ARFIP1: variants seen among roughly 807,000 people sequenced by gnomAD.
ARFIP1 encodes ARF interacting protein 1, also known as arfaptin-1.
In ARFIP1, 24 loss-of-function variants were observed where a neutral mutation model predicts 42.5. That is an observed-to-expected ratio of 0.57 (90% CI 0.41 to 0.80). The LOEUF (loss-of-function observed/expected upper bound fraction) is 0.80, where lower values mean the gene tolerates loss of function less well. Among genes scored for constraint, ARFIP1 ranks in the 30% least tolerant of loss-of-function variants. The probability of loss-of-function intolerance (pLI) is 0.00; values close to 1 mark genes in which losing one functional copy is unlikely to be tolerated. For missense variants in ARFIP1, 354 were observed against 434.0 expected (o/e 0.82, Z 1.64); for synonymous variants, 141 against 153.7 (o/e 0.92, Z 0.61).
At chr4:152,866,634 G>A (rs1244672178) in intron 3 of ARFIP1, among the ~76,000 whole-genome samples, 1 of 151,750 alleles carries the variant, frequency 6.6e-6, no homozygotes, top group African/African-American at 2.4e-5. Flanking sequence ...GTCCTGGTGG[G>A]GGCTGACCCC....
chr4:152,829,146 G>A (rs933573394), intron 1 of ARFIP1, among the ~76,000 whole-genome samples: 2 of 152,162 alleles, frequency 1.3e-5, no homozygotes, highest in Non-Finnish European at 2.9e-5. Context: ...GAAGTCTGGT[G>A]ATAGACACGG....
At chr4:152,795,788 A>C (rs1234672211) in intron 1 of ARFIP1, among the ~76,000 whole-genome samples, 1 of 99,804 alleles carries the variant, frequency 1.0e-5, no homozygotes, top group Non-Finnish European at 2.0e-5. Flanking sequence ...TTTTGAGTGA[A>C]TTTGAGCGAT....
At chr4:152,866,507 C>G (rs545393340) in intron 3 of ARFIP1, among the ~76,000 whole-genome samples, 22 of 150,068 alleles carry the variant, frequency 1.5e-4, no homozygotes, top group Non-Finnish European at 3.1e-4. Context: ...CTGACCCCCC[C>G]ACCTCCCTCC....
rs759888060 is a variant in ARFIP1 at position 152,882,736 on chromosome 4, A to G, written c.647A>G (p.Tyr216Cys). 1 of 1,613,166 alleles carries G rather than the reference A, an allele frequency of 6.2e-7. No homozygotes were observed. Among genetic ancestry groups the G allele is most frequent in the Non-Finnish European group, 8.5e-7 (1 of 1,179,502 alleles). Residue 216 changes from tyrosine to cysteine, a missense_variant, in exon 7 of 9, where the codon TAT (tyrosine) becomes TGT (cysteine). Tyr to Cys is a radical substitution (Grantham distance 194, BLOSUM62 -2). Transcript: ENST00000353617. The stretch of plus-strand genomic sequence containing the variant: ...TCTTTGTTTTAGGAAGAATTTGGCT[A>G]TAATGCCGATACCCAGAAACTGCTG... ...KSLELHEEFG[Y>C]NADTQKLLAK...
intron 1 of ARFIP1, among the ~76,000 whole-genome samples, chr4:152,803,559 C>T (rs1170228603): frequency 6.6e-6 from 1 of 152,026 alleles, no homozygotes; most frequent in African/African-American, 2.4e-5. Context: ...CAAAATCCAC[C>T]CCCAACATCC....
At chr4:152,800,048 G>C (rs1731706466) in intron 1 of ARFIP1, among the ~76,000 whole-genome samples, 1 of 152,126 alleles carries the variant, frequency 6.6e-6, no homozygotes, top group Non-Finnish European at 1.5e-5. Flanking sequence ...CAAATATGCA[G>C]CATTCATGGG....
intron 8 of ARFIP1, among the ~76,000 whole-genome samples, chr4:152,897,317 G>GTT (rs34316244): frequency 0.012 from 1,784 of 147,444 alleles, 36 homozygotes; most frequent in African/African-American, 0.042. Context: ...AATTCATATA[G>GTT]TTTTTTTTTT....
chr4:152,804,159 TATATA>T (rs1172389915), intron 1 of ARFIP1, among the ~76,000 whole-genome samples: 3 of 115,234 alleles, frequency 2.6e-5, no homozygotes, highest in Non-Finnish European at 5.1e-5. Context: ...TTATATATTA[TATATA>T]ATATAACATG....
At position 152,880,853 on chromosome 4, in the gene ARFIP1, T is replaced by A. The variant is rs73865262; in HGVS notation, c.412-110T>A. On this transcript the variant is annotated intron_variant, in intron 5 of 8. Coordinates refer to ENST00000353617, the MANE Select transcript of ARFIP1 (RefSeq NM_001025595.3). The stretch of plus-strand genomic sequence containing the variant: ...AAGTAAGGGAGCTGACAATTTTCAG[T>A]TTGTTACGCTAGCTTGTTTGAATCC... 981 of 798,888 alleles carry A rather than the reference T, an allele frequency of 1.2e-3. 7 individuals are homozygous for A. The African/African-American group carries it at 0.015, about 12-fold the overall frequency. 49.5% of individuals were successfully genotyped at this position (798,888 alleles called of 1,614,324 possible).
intron 2 of ARFIP1, among the ~76,000 whole-genome samples, chr4:152,861,528 A>T (rs575924569): frequency 2.7e-4 from 41 of 152,348 alleles, no homozygotes; most frequent in Non-Finnish European, 4.4e-5. Flanking sequence ...TAAGGAGTAC[A>T]TTTAGAACAT....
chr4:152,827,095 C>A (rs1165548409), intron 1 of ARFIP1, among the ~76,000 whole-genome samples: 1 of 152,064 alleles, frequency 6.6e-6, no homozygotes, highest in African/African-American at 2.4e-5. Flanking sequence ...AGATTGATTG[C>A]ATAACAATGT....
Position 152,808,670 on chromosome 4 carries a change from C to T in ARFIP1, c.-9-20955C>T, listed in dbSNP as rs558011492. On this transcript the variant is annotated intron_variant, in intron 1 of 8. Transcript: ENST00000353617. ...TGGTTTTGTCAGTCTTTCTAGTTTC[C>T]GCCTTCTAATGGGTGTATAATGGTA... Among the ~76,000 whole-genome samples the T allele has an allele frequency of 2.3e-4, 35 of 152,076 alleles. No homozygotes were observed. The South Asian group carries it at 6.6e-3, about 29-fold the overall frequency.
intron 2 of ARFIP1, among the ~76,000 whole-genome samples, chr4:152,843,962 A>G (rs1035086466): frequency 1.3e-5 from 2 of 151,990 alleles, no homozygotes; most frequent in Admixed American, 6.5e-5. Context: ...AATTGTTACA[A>G]AGTTCAGCTG....
At chr4:152,801,054 C>G (rs928110548) in intron 1 of ARFIP1, among the ~76,000 whole-genome samples, 3 of 151,954 alleles carry the variant, frequency 2.0e-5, no homozygotes, top group Non-Finnish European at 4.4e-5. Flanking sequence ...CAGGTCAGAC[C>G]ATAGGAAGGA....
intron 2 of ARFIP1, among the ~76,000 whole-genome samples, chr4:152,855,606 G>C (rs1025569659): frequency 6.6e-6 from 1 of 152,220 alleles, no homozygotes; most frequent in African/African-American, 2.4e-5. Context: ...TCAGGACAGT[G>C]TGAGATCTGT....
chr4:152,788,801 CTTT>C (rs138189664), intron 1 of ARFIP1, among the ~76,000 whole-genome samples: 74 of 113,374 alleles, frequency 6.5e-4, no homozygotes, highest in Non-Finnish European at 9.7e-4. Context: ...TCCCCAATGT[CTTT>C]TTTTTTTTTT....
At chr4:152,783,429 TG>T (rs1462411212) in intron 1 of ARFIP1, among the ~76,000 whole-genome samples, 1 of 152,248 alleles carries the variant, frequency 6.6e-6, no homozygotes, top group Non-Finnish European at 1.5e-5. Flanking sequence ...GCTTACCATG[TG>T]CATTAAGCTA....
intron 2 of ARFIP1, among the ~76,000 whole-genome samples, chr4:152,837,419 C>T (rs970070114): frequency 1.1e-4 from 16 of 152,128 alleles, no homozygotes; most frequent in Admixed American, 2.6e-4. Flanking sequence ...TCCTGTTCAC[C>T]GCATCCACAC....
intron 8 of ARFIP1, among the ~76,000 whole-genome samples, chr4:152,896,978 T>A (rs1332330244): frequency 6.6e-6 from 1 of 152,194 alleles, no homozygotes; most frequent in Non-Finnish European, 1.5e-5. Flanking sequence ...TAGTGCAATA[T>A]CGTACCTTTC....
Sources: gnomAD v4.1 joint callset for allele counts (sites outside exome capture counted in the v4.1 genomes callset) on GRCh38, gnomAD v4.1.1 for gene constraint, MANE v1.5 for transcripts, NCBI Gene and HGNC (gene_info 2026-07-23, HGNC 2026-07-21) for gene names.